KLF13: variants seen among roughly 807,000 people sequenced by gnomAD.
The protein encoded by KLF13 is KLF transcription factor 13.
A neutral mutation model predicts 16.7 loss-of-function variants in KLF13; 8 were observed. The observed-to-expected ratio is 0.48, with a 90% CI of 0.28 to 0.87. The LOEUF (loss-of-function observed/expected upper bound fraction) is 0.87. Among genes scored for constraint, KLF13 ranks in the 40% least tolerant of loss-of-function variants. The pLI, the probability that KLF13 is intolerant of heterozygous loss-of-function variation, is 0.10. For synonymous variants in KLF13, 245 were observed against 208.4 expected, an observed-to-expected ratio of 1.18 and a Z score of -1.51; for missense variants, 447 against 452.2, an observed-to-expected ratio of 0.99 and a Z score of 0.10.
intron 2 of KLF13, among the ~76,000 whole-genome samples, chr15:31,396,533 T>A (rs4328401): frequency 0.92 from 139,821 of 152,266 alleles, 64,282 homozygotes; most frequent in East Asian, 1. Flanking sequence ...TGATGAAATC[T>A]TAGGGAGTCG....
At chr15:31,426,085 A>G (rs2040397683) in intron 1 of KLF13, among the ~76,000 whole-genome samples, 1 of 152,116 alleles carries the variant, frequency 6.6e-6, no homozygotes, top group Non-Finnish European at 1.5e-5. Flanking sequence ...CAAGTTCCTC[A>G]TCTCCATCTG....
intron 1 of KLF13, among the ~76,000 whole-genome samples, chr15:31,423,081 A>ATACGTATACG (rs2040348097): frequency 2.6e-5 from 1 of 38,412 alleles, no homozygotes; most frequent in Non-Finnish European, 6.3e-5. Flanking sequence ...TAACAATTAC[A>ATACGTATACG]TATATATACG....
chr15:31,395,419 C>T (rs982577743), intron 2 of KLF13, among the ~76,000 whole-genome samples: 1 of 152,198 alleles, frequency 6.6e-6, no homozygotes, highest in Non-Finnish European at 1.5e-5. Flanking sequence ...CATGTGTGTA[C>T]AAGCTTCTGT....
intron 1 of KLF13, among the ~76,000 whole-genome samples, chr15:31,418,020 A>T (rs1250143065): frequency 2.6e-5 from 4 of 152,210 alleles, no homozygotes; most frequent in Admixed American, 6.5e-5. Context: ...TAAGAGAACT[A>T]AAAAAGATTT....
intron 1 of KLF13, among the ~76,000 whole-genome samples, chr15:31,434,358 G>T (rs2040505223): frequency 6.6e-6 from 1 of 152,178 alleles, no homozygotes; most frequent in Non-Finnish European, 1.5e-5. Context: ...CAGAGGAGGT[G>T]GCATTGAGCT....
chr15:31,348,663 C>G (rs946334959), intron 1 of KLF13, among the ~76,000 whole-genome samples: 1 of 151,900 alleles, frequency 6.6e-6, no homozygotes, highest in Admixed American at 6.6e-5. Flanking sequence ...GCCGCAGTGC[C>G]TTGGGCTCCA....
At chr15:31,359,201 G>T (rs549848243) in intron 1 of KLF13, among the ~76,000 whole-genome samples, 1 of 152,302 alleles carries the variant, frequency 6.6e-6, no homozygotes, top group East Asian at 1.9e-4. Context: ...TTGTGACTCG[G>T]GTGTGCGTGA....
rs2039566609 is a variant in KLF13, at chr15:31,372,253, G to A, written c.821G>A (p.Arg274His). Residue 274 changes from arginine (R) to histidine (H), a missense_variant, in exon 2 of 2, where the codon CGC (arginine) becomes CAC (histidine). Around this residue, in one of 2 missense-constraint regions of KLF13, gnomAD observed 88 missense variants for 169.5 expected, o/e 0.52. Transcript: ENST00000307145. ...SRTGSLSDYS[R>H]SDASSPTISP... ...ACCGGCTCCCTCAGCGACTACAGCC[G>A]CTCCGACGCCAGCAGCCCCACCATC... 4 of 1,552,422 alleles carry A rather than the reference G, an allele frequency of 2.6e-6. No individual in the cohort carries two copies. Among genetic ancestry groups the A allele is most frequent in the African/African-American group, 1.4e-5 (1 of 73,116 alleles).
chr15:31,371,223 G>A (rs943887942), intron 1 of KLF13, among the ~76,000 whole-genome samples: 3 of 152,330 alleles, frequency 2.0e-5, no homozygotes, highest in Non-Finnish European at 4.4e-5. Context: ...CGCTCCGAGT[G>A]AGGGATGGGA....
intron 1 of KLF13, among the ~76,000 whole-genome samples, chr15:31,385,094 T>C (rs2039779040): frequency 6.6e-6 from 1 of 152,086 alleles, no homozygotes; most frequent in South Asian, 2.1e-4. Context: ...CATGAGGATA[T>C]AAGAAGGTGG....
intron 1 of KLF13, among the ~76,000 whole-genome samples, chr15:31,426,291 C>T (rs944799612): frequency 1.3e-5 from 2 of 152,108 alleles, no homozygotes; most frequent in Non-Finnish European, 2.9e-5. Flanking sequence ...ATTCTTATAT[C>T]ATTTATAAAA....
In KLF13 at chr15:31,376,075, C is replaced by T. The variant is rs2039640525; in HGVS notation, c.*3776C>T. 6.6e-6 allele frequency: 1 copy of T among 152,654 alleles called. No homozygotes were observed. The highest frequency in any genetic ancestry group is 2.4e-5 in the African/African-American group (1 of 41,438). 9.5% of individuals were successfully genotyped at this position (152,654 alleles called of 1,614,324 possible). On this transcript the variant is annotated 3_prime_UTR_variant, in exon 2 of 2. Transcript: ENST00000307145. ...GGGCAGAGAGGGCTGGCCACTCTGC[C>T]TCAGGACTTGACCTCAAGTGTTCTG...
chr15:31,337,118 T>C (rs1167388152), intron 1 of KLF13, among the ~76,000 whole-genome samples: 2 of 152,230 alleles, frequency 1.3e-5, no homozygotes, highest in South Asian at 4.1e-4. Flanking sequence ...TTACTCGTCA[T>C]TGAAGGCATC....
chr15:31,347,896 C>A (rs1257077004), intron 1 of KLF13, among the ~76,000 whole-genome samples: 1 of 152,336 alleles, frequency 6.6e-6, no homozygotes, highest in Middle Eastern at 3.4e-3. Flanking sequence ...TTCTCCTGGA[C>A]CACACCCCCT....
At chr15:31,385,259 T>C (rs2039781126) in intron 1 of KLF13, among the ~76,000 whole-genome samples, 1 of 152,208 alleles carries the variant, frequency 6.6e-6, no homozygotes, top group African/African-American at 2.4e-5. Context: ...CCTGAACTGA[T>C]GAGTATCTAT....
intron 1 of KLF13, among the ~76,000 whole-genome samples, chr15:31,368,892 A>C (rs1344676564): frequency 1.3e-5 from 2 of 152,130 alleles, no homozygotes; most frequent in Non-Finnish European, 2.9e-5. Context: ...TGCAACAAAA[A>C]AAATCCTCTC....
At chr15:31,400,890 A>G (rs1203799200) in intron 2 of KLF13, among the ~76,000 whole-genome samples, 1 of 151,028 alleles carries the variant, frequency 6.6e-6, no homozygotes, top group Admixed American at 6.6e-5. Context: ...AGATAAGCTG[A>G]CCCCGAGATT....
In KLF13 at chr15:31,351,535, C is replaced by T. The variant is rs147218583; in HGVS notation, c.578-20475C>T. ...GCTCCAGTGATTGGCTGTCCTGGGA[C>T]AGCCGTCCACCTCATTATTTTCAGG... On this transcript the variant is annotated intron_variant, in intron 1 of 1. Coordinates refer to ENST00000307145, the MANE Select transcript of KLF13 (RefSeq NM_015995.4). Among the ~76,000 whole-genome samples, 267 of 152,304 alleles carry T rather than the reference C, an allele frequency of 1.8e-3. 2 individuals carry two copies. Among genetic ancestry groups the T allele is most frequent in the African/African-American group, 5.7e-3 (237 of 41,572 alleles).
chr15:31,351,124 C>G (rs774319155), intron 1 of KLF13, among the ~76,000 whole-genome samples: 3 of 152,150 alleles, frequency 2.0e-5, no homozygotes, highest in Non-Finnish European at 4.4e-5. Flanking sequence ...TTTCTCAGCC[C>G]GTATCATGGA....
Sources: allele counts gnomAD v4.1 joint callset (sites outside exome capture counted in the v4.1 genomes callset), GRCh38; gene constraint gnomAD v4.1.1; regional missense constraint gnomAD v4.1.1; transcripts MANE v1.5; gene names NCBI Gene and HGNC (gene_info 2026-07-23, HGNC 2026-07-21).